ATP5PB: variants seen among roughly 807,000 people sequenced by gnomAD.
ATP5PB encodes the protein ATP synthase peripheral stalk subunit b, mitochondrial.
In ATP5PB, 21 loss-of-function variants were observed where a neutral mutation model predicts 34.5. That is an observed-to-expected ratio of 0.61 (90% CI 0.43 to 0.88). The LOEUF (loss-of-function observed/expected upper bound fraction) is 0.88, where lower values mean the gene tolerates loss of function less well. ATP5PB is among the 40% of genes least tolerant of loss of function. The pLI is 0.00. For synonymous variants in ATP5PB, 108 were observed against 114.1 expected, an observed-to-expected ratio of 0.95 and a Z score of 0.34; for missense variants, 293 against 317.4, an observed-to-expected ratio of 0.92 and a Z score of 0.58.
At chr1:111,450,653 CAT>C (rs762410851) in intron 2 of ATP5PB, among the ~76,000 whole-genome samples, 70 of 152,168 alleles carry the variant, frequency 4.6e-4, no homozygotes, top group Non-Finnish European at 4.4e-4. Flanking sequence ...TTCCATAAGA[CAT>C]GTCCATTTTC....
intron 2 of ATP5PB, among the ~76,000 whole-genome samples, chr1:111,453,403 TAAA>T (rs746366424): frequency 3.8e-5 from 5 of 130,454 alleles, no homozygotes; most frequent in Non-Finnish European, 5.0e-5. Flanking sequence ...TATACCTCAT[TAAA>T]AAAAAAAAAA....
chr1:111,459,002 G>A (rs1010152379), intron 5 of ATP5PB, among the ~76,000 whole-genome samples: 1 of 152,180 alleles, frequency 6.6e-6, no homozygotes, highest in Non-Finnish European at 1.5e-5. Context: ...GATCCAGCAA[G>A]TATTATGACA....
chr1:111,461,335 G>T lies in ATP5PB; in HGVS notation c.*341G>T. 5.1e-6 allele frequency: 1 copy of T among 197,246 alleles called. No homozygotes were observed. Among genetic ancestry groups the T allele is most frequent in the African/African-American group, 2.3e-5 (1 of 42,604 alleles). 12.2% of individuals were successfully genotyped at this position (197,246 alleles called of 1,614,324 possible). A position where few individuals can be genotyped will look rare whatever the true frequency, so the allele number is the denominator to read the frequency against. On this transcript the variant is annotated 3_prime_UTR_variant, in exon 7 of 7. Transcript: ENST00000369722. ...TAAAGTGACAATTGAATGAAACAGGGTTTTTCAAGTTGTATAATTCTCTGA... is the reference window on the plus strand; with the variant it reads ...TAAAGTGACAATTGAATGAAACAGGTTTTTTCAAGTTGTATAATTCTCTGA...
chr1:111,450,678 CTT>C (rs929516610), intron 2 of ATP5PB, among the ~76,000 whole-genome samples: 1 of 152,162 alleles, frequency 6.6e-6, no homozygotes, highest in African/African-American at 2.4e-5. Context: ...AGAGATTTCT[CTT>C]TTTACTTCCA....
intron 3 of ATP5PB, among the ~76,000 whole-genome samples, chr1:111,455,669 G>A (rs542182290): frequency 2.0e-5 from 3 of 152,068 alleles, no homozygotes; most frequent in East Asian, 1.9e-4. Context: ...AATTTTATCC[G>A]GTCTAGTGTC....
chr1:111,452,456 A>G (rs894191208), intron 2 of ATP5PB, among the ~76,000 whole-genome samples: 20 of 152,184 alleles, frequency 1.3e-4, no homozygotes, highest in Admixed American at 3.9e-4. Context: ...CCAGCTACTC[A>G]GCTACTCGGG....
At chr1:111,455,170 T>C (rs896815676) in intron 3 of ATP5PB, among the ~76,000 whole-genome samples, 10 of 152,242 alleles carry the variant, frequency 6.6e-5, no homozygotes, top group Admixed American at 5.9e-4. Flanking sequence ...TTTTTAGCCC[T>C]GGAGTCACCT....
Position 111,451,161 on chromosome 1 carries a change from A to G in ATP5PB, c.77+1288A>G, listed in dbSNP as rs1653318917. Reference sequence around the variant, plus strand: ...CAGAGCTCCCCATCCCACTTGAATAAAATCCAAACTTAGCATAACCCAGAA... The same window carrying G: ...CAGAGCTCCCCATCCCACTTGAATAGAATCCAAACTTAGCATAACCCAGAA... On this transcript the variant is annotated intron_variant, in intron 2 of 6. Transcript: ENST00000369722. 2.0e-5 allele frequency among the ~76,000 whole-genome samples: 3 copies of G among 152,174 alleles called. No homozygotes were observed. The South Asian group carries it at 6.2e-4, about 32-fold the overall frequency.
At position 111,461,085 on chromosome 1, in the gene ATP5PB, A is replaced by C; in HGVS notation, c.*91A>C. 1 of 1,213,942 alleles carries C rather than the reference A, an allele frequency of 8.2e-7. No homozygotes were observed. The allele number at this position is 1,213,942 out of a possible 1,614,324, so 75.2% of individuals were successfully genotyped here. Reference sequence around the variant, plus strand: ...ACAAAGTCTTTCTGTGTTGGTGTCTACTGAAGTTATAGTTTACCCTTCCTA... The same window carrying C: ...ACAAAGTCTTTCTGTGTTGGTGTCTCCTGAAGTTATAGTTTACCCTTCCTA... On this transcript the variant is annotated 3_prime_UTR_variant, in exon 7 of 7. Coordinates refer to ENST00000369722, the MANE Select transcript of ATP5PB (RefSeq NM_001688.5).
At chr1:111,457,234 A>G (rs1653497703) in intron 5 of ATP5PB, among the ~76,000 whole-genome samples, 1 of 152,058 alleles carries the variant, frequency 6.6e-6, no homozygotes, top group African/African-American at 2.4e-5. Flanking sequence ...GACTGCTTGC[A>G]CCCAGGAGGT....
At position 111,449,477 on chromosome 1, in the gene ATP5PB, C is replaced by T; in HGVS notation, c.-65C>T. 2 of 1,614,202 alleles carry T rather than the reference C, an allele frequency of 1.2e-6. No individual in the cohort carries two copies. Among genetic ancestry groups the T allele is most frequent in the Non-Finnish European group, 1.7e-6 (2 of 1,180,038 alleles). On this transcript the variant is annotated 5_prime_UTR_variant, in exon 1 of 7. Coordinates refer to ENST00000369722, the MANE Select transcript of ATP5PB (RefSeq NM_001688.5). The stretch of plus-strand genomic sequence containing the variant: ...CTTGTGAGCGGCCATCTTGGTCCTG[C>T]CCTGACAGATTCTCCTATCGGGGTC...
In ATP5PB at chr1:111,454,481, G is replaced by A. The variant is rs577000631; in HGVS notation, c.223+125G>A. ...GTTGTTGTTGTTGTTTTTTGAGACA[G>A]GGTATTACTCTATCACCCAGGATGG... On this transcript the variant is annotated intron_variant, in intron 3 of 6. Coordinates refer to ENST00000369722, the MANE Select transcript of ATP5PB (RefSeq NM_001688.5). 4.1e-5 allele frequency: 51 copies of A among 1,258,958 alleles called. No homozygotes were observed. The South Asian group carries it at 5.8e-4, about 14-fold the overall frequency. The allele number at this position is 1,258,958 out of a possible 1,614,324, so 78.0% of individuals were successfully genotyped here. A position where few individuals can be genotyped will look rare whatever the true frequency, so the allele number is the denominator to read the frequency against.
chr1:111,454,447 G>A, intron 3 of ATP5PB, 91 bp downstream of exon 3: 2 of 1,401,260 alleles, frequency 1.4e-6, no homozygotes, highest in Non-Finnish European at 1.9e-6. Context: ...TTTTGTTGTT[G>A]TTGTTGTTGT....
At chr1:111,456,461 C>T (rs1300671548) in intron 4 of ATP5PB, among the ~76,000 whole-genome samples, 169 bp from the exon 5 acceptor site, 4 of 152,150 alleles carry the variant, frequency 2.6e-5, no homozygotes, top group African/African-American at 7.2e-5. Flanking sequence ...AAAAGATATT[C>T]TATAGTTATT....
chr1:111,460,699 T>G (rs1300172760), intron 6 of ATP5PB, among the ~76,000 whole-genome samples: 1 of 152,230 alleles, frequency 6.6e-6, no homozygotes, highest in Non-Finnish European at 1.5e-5. Flanking sequence ...AGCCAGGGAA[T>G]TTTAACTAAC....
At chr1:111,458,606 G>A (rs1277727525) in intron 5 of ATP5PB, among the ~76,000 whole-genome samples, 2 of 147,710 alleles carry the variant, frequency 1.4e-5, no homozygotes, top group Non-Finnish European at 2.9e-5. Flanking sequence ...GCCTGGGACT[G>A]TGATATATAA....
rs945836370 is a variant in ATP5PB, at chr1:111,452,770, T to C, written c.78-1441T>C. Among the ~76,000 whole-genome samples the C allele has an allele frequency of 2.0e-5, 3 of 152,244 alleles. No homozygotes were observed. In the East Asian group the frequency reaches 5.8e-4, roughly 29 times the overall value. On this transcript the variant is annotated intron_variant, in intron 2 of 6. Coordinates refer to ENST00000369722, the MANE Select transcript of ATP5PB (RefSeq NM_001688.5). ...GACATTTAGCAATGTCTGGAGATAT[T>C]TTTCAGTGTTACCATAGGATGGGTC... is the stretch of plus-strand genomic sequence containing the variant.
Position 111,449,959 on chromosome 1 carries a change from G to A in ATP5PB, c.77+86G>A, listed in dbSNP as rs918048085. Reference sequence around the variant, plus strand: ...CCTGCCCCCACCCCCTTAGCTTTAGGTCAGAAATTTCTTTCCGATAATTTT... The same window carrying A: ...CCTGCCCCCACCCCCTTAGCTTTAGATCAGAAATTTCTTTCCGATAATTTT... On this transcript the variant is annotated intron_variant, in intron 2 of 6. Transcript: ENST00000369722. 1.2e-5 allele frequency: 18 copies of A among 1,561,314 alleles called. No homozygotes were observed. In the East Asian group the frequency reaches 2.7e-4, roughly 23 times the overall value.
chr1:111,455,428 G>C (rs989465663), intron 3 of ATP5PB, among the ~76,000 whole-genome samples: 2 of 152,160 alleles, frequency 1.3e-5, no homozygotes, highest in Middle Eastern at 3.2e-3. Context: ...ACTGTAAAAT[G>C]CTTTCCTAAA....
Sources: allele counts gnomAD v4.1 joint callset (sites outside exome capture counted in the v4.1 genomes callset), GRCh38; gene constraint gnomAD v4.1.1; transcripts MANE v1.5; gene names NCBI Gene and HGNC (gene_info 2026-07-23, HGNC 2026-07-21).